PCDHA3: variants seen among roughly 807,000 people sequenced by gnomAD.
PCDHA3 encodes protocadherin alpha 3.
PCDHA3 carries 41 observed loss-of-function variants against 62.2 expected under a neutral mutation model. The observed-to-expected ratio is 0.66, with a 90% CI of 0.51 to 0.86. The LOEUF (loss-of-function observed/expected upper bound fraction) is 0.86. Ranked by LOEUF, PCDHA3 falls within the 40% of genes least tolerant of loss-of-function variation. The probability of loss-of-function intolerance (pLI) is 0.00; values close to 1 mark genes in which losing one functional copy is unlikely to be tolerated. For missense variants in PCDHA3, 1,304 were observed against 1,241.2 expected (o/e 1.05, Z -0.76); for synonymous variants, 640 against 555.4 (o/e 1.15, Z -2.14).
rs2150411102 is a variant in PCDHA3, at chr5:140,848,487, G to A, written c.2394+44896G>A. 8 of 1,574,380 alleles carry A rather than the reference G, an allele frequency of 5.1e-6. No individual in the cohort carries two copies. The Admixed American group carries it at 1.2e-4, about 24-fold the overall frequency. On this transcript the variant is annotated intron_variant, in intron 1 of 3. Coordinates refer to ENST00000522353, the MANE Select transcript of PCDHA3 (RefSeq NM_018906.3). ...TTTTCACTAATTAGAAGAAGACTGA[G>A]TATTTGAAATGTTATACTCAAGTCG...
chr5:140,985,885 G>A (rs1218097274), intron 3 of PCDHA3, among the ~76,000 whole-genome samples: 4 of 151,548 alleles, frequency 2.6e-5, no homozygotes, highest in Non-Finnish European at 5.9e-5. Flanking sequence ...GACTACAGGC[G>A]CCCGCCACCA....
At chr5:140,974,894 A>C (rs1554236433) in intron 1 of PCDHA3, among the ~76,000 whole-genome samples, 2 of 152,184 alleles carry the variant, frequency 1.3e-5, no homozygotes, top group Admixed American at 6.5e-5. Context: ...TTTTCTGATG[A>C]TTTGTAACAA....
intron 1 of PCDHA3, among the ~76,000 whole-genome samples, chr5:140,903,298 A>G (rs1218115864): frequency 6.6e-6 from 1 of 152,170 alleles, no homozygotes; most frequent in Non-Finnish European, 1.5e-5. Context: ...TAGGAAATTT[A>G]GTATACAATA....
intron 1 of PCDHA3, among the ~76,000 whole-genome samples, chr5:140,936,049 C>A (rs1185871662): frequency 1.3e-5 from 2 of 151,974 alleles, no homozygotes; most frequent in African/African-American, 2.4e-5. Context: ...CCCACCACCA[C>A]ACCCGGCTAA....
chr5:140,989,597 G>A (rs1168398697), intron 3 of PCDHA3, among the ~76,000 whole-genome samples: 1 of 152,144 alleles, frequency 6.6e-6, no homozygotes, highest in Non-Finnish European at 1.5e-5. Flanking sequence ...ACTGACACAA[G>A]TAAACTAAAA....
chr5:140,997,859 T>C (rs2097788506), intron 3 of PCDHA3, among the ~76,000 whole-genome samples: 1 of 152,216 alleles, frequency 6.6e-6, no homozygotes, highest in Non-Finnish European at 1.5e-5. Context: ...TACATATTTC[T>C]TATGCATGCT....
At chr5:140,878,787 T>C (rs2057727241) in intron 1 of PCDHA3, among the ~76,000 whole-genome samples, 1 of 152,222 alleles carries the variant, frequency 6.6e-6, no homozygotes, top group Admixed American at 6.5e-5. Flanking sequence ...ATATGTTCAA[T>C]CACTTTTTAA....
intron 1 of PCDHA3, chr5:140,821,888 C>T (rs1554128295): frequency 5.6e-6 from 9 of 1,614,106 alleles, no homozygotes; most frequent in Non-Finnish European, 7.6e-6. Context: ...CCGGAGGAAG[C>T]CAAACACGGA....
chr5:140,822,516 T>G, intron 1 of PCDHA3: 1 of 1,613,966 alleles, frequency 6.2e-7, no homozygotes, highest in Non-Finnish European at 8.5e-7. Flanking sequence ...CCATTTATAA[T>G]GTCAGATTGT....
chr5:140,968,025 C>T lies in PCDHA3; in HGVS notation c.2395-10924C>T, dbSNP rs782679458. ...CTGAATGGCTTTGGAAACTCCTATA[C>T]ACTGGTGGTGAGCGGCCCACTGGAC... On this transcript the variant is annotated intron_variant, in intron 1 of 3. Coordinates refer to ENST00000522353, the MANE Select transcript of PCDHA3 (RefSeq NM_018906.3). 4.3e-6 allele frequency: 7 copies of T among 1,614,200 alleles called. No individual in the cohort carries two copies. In the South Asian group the frequency reaches 6.6e-5, roughly 15 times the overall value.
chr5:140,988,866 C>T (rs1364853349), intron 3 of PCDHA3: 2 of 152,170 alleles, frequency 1.3e-5, no homozygotes, highest in Non-Finnish European at 2.9e-5. Context: ...CTCATGTGCA[C>T]TCAGATGTAC....
intron 1 of PCDHA3, among the ~76,000 whole-genome samples, chr5:140,971,248 A>G (rs552592175): frequency 6.6e-6 from 1 of 152,330 alleles, no homozygotes; most frequent in East Asian, 1.9e-4. Context: ...AATTTGATAC[A>G]TAAACTATTT....
chr5:140,816,333 A>T (rs940980796), intron 1 of PCDHA3: 1 of 152,166 alleles, frequency 6.6e-6, no homozygotes, highest in African/African-American at 2.4e-5. Flanking sequence ...TGTATTCTTC[A>T]GTTCCAAAAT....
At chr5:140,894,259 T>A (rs2064392118) in intron 1 of PCDHA3, among the ~76,000 whole-genome samples, 1 of 152,106 alleles carries the variant, frequency 6.6e-6, no homozygotes. Context: ...TCTTTACAAG[T>A]GGTAGCTTAT....
Position 140,801,393 on chromosome 5 carries a change from G to T in PCDHA3, c.196G>T (p.Val66Leu). ...LAELVPRLFR[V>L]ASKRHGDLLE... ...GGAGCTGGTGCCGCGCCTGTTCCGG[G>T]TGGCGTCCAAAAGACACGGGGACCT... Residue 66 changes from valine (V) to leucine (L), a missense_variant, in exon 1 of 4, where the codon GTG becomes TTG. Physicochemically the swap from Val to Leu is conservative, Grantham distance 32. Transcript: ENST00000522353. The T allele has an allele frequency of 6.2e-7, 1 of 1,613,656 alleles. No individual in the cohort carries two copies. The highest frequency in any genetic ancestry group is 1.1e-5 in the South Asian group (1 of 91,046).
intron 1 of PCDHA3, chr5:140,823,946 C>T: frequency 1.2e-6 from 2 of 1,613,970 alleles, no homozygotes; most frequent in East Asian, 2.2e-5. Flanking sequence ...CGGTGCTCGG[C>T]GCAGCCCACC....
At position 140,857,221 on chromosome 5, in the gene PCDHA3, C is replaced by G. The variant is rs146953582; in HGVS notation, c.2394+53630C>G. On this transcript the variant is annotated intron_variant, in intron 1 of 3. Transcript: ENST00000522353. ...AGGTCACCTGCTCTCTGACGCCTCA[C>G]GTTCCGTTCAAGCTGGTGTCCACCT... is the stretch of plus-strand genomic sequence containing the variant. 4.4e-4 allele frequency: 711 copies of G among 1,598,474 alleles called. 36 individuals carry two copies. In the African/African-American group the frequency reaches 9.1e-3, roughly 20 times the overall value.
At position 140,896,858 on chromosome 5, in the gene PCDHA3, A is replaced by T. The variant is rs1448787828; in HGVS notation, c.2395-82091A>T. On this transcript the variant is annotated intron_variant, in intron 1 of 3. Coordinates refer to ENST00000522353, the MANE Select transcript of PCDHA3 (RefSeq NM_018906.3). Reference sequence around the variant, plus strand: ...TATTTTTTAATTTTATGGGTACATAATAAGTGTACATATTTATGGGGTATA... The same window carrying T: ...TATTTTTTAATTTTATGGGTACATATTAAGTGTACATATTTATGGGGTATA... Among the ~76,000 whole-genome samples, 3 of 152,310 alleles carry T rather than the reference A, an allele frequency of 2.0e-5. No homozygotes were observed. In the South Asian group the frequency reaches 6.2e-4, roughly 32 times the overall value.
At chr5:140,884,204 C>T in intron 1 of PCDHA3, 1 of 1,613,500 alleles carries the variant, frequency 6.2e-7, no homozygotes, top group Non-Finnish European at 8.5e-7. Flanking sequence ...GCCGCACCAC[C>T]GCCTTCTGGT....
Sources: gnomAD v4.1 joint callset for allele counts (sites outside exome capture counted in the v4.1 genomes callset) on GRCh38, gnomAD v4.1.1 for gene constraint, MANE v1.5 for transcripts, NCBI Gene and HGNC (gene_info 2026-07-23, HGNC 2026-07-21) for gene names.